Variants in SEMA6D observed in about 807,000 individuals in gnomAD.
The protein encoded by SEMA6D is semaphorin 6D, also known as semaphorin-6D.
In SEMA6D, 35 loss-of-function variants were observed where a neutral mutation model predicts 106.6. The observed-to-expected ratio is 0.33, with a 90% CI of 0.25 to 0.44. The LOEUF (loss-of-function observed/expected upper bound fraction) is 0.44, where lower values mean the gene tolerates loss of function less well. Among genes scored for constraint, SEMA6D ranks in the 20% least tolerant of loss-of-function variants. SEMA6D has a pLI of 1.00. For missense variants in SEMA6D, 1,185 were observed against 1,345.9 expected (o/e 0.88, Z 1.87); for synonymous variants, 499 against 487.7 (o/e 1.02, Z -0.31).
At chr15:47,594,185 A>G (rs562110258) in intron 3 of SEMA6D, among the ~76,000 whole-genome samples, 12 of 152,314 alleles carry the variant, frequency 7.9e-5, no homozygotes, top group South Asian at 2.1e-4. Flanking sequence ...TGAAATCACT[A>G]TTATAGAACT....
At position 47,409,467 on chromosome 15, in the gene SEMA6D, A is replaced by G. The variant is rs556499749; in HGVS notation, c.-238-2926A>G. On this transcript the variant is annotated intron_variant, in intron 1 of 19. Transcript: ENST00000558014. ...ATCTTCCACCATAATGATATCTCCC[A>G]CATACTACAGAATATGGTAAACTCT... Among the ~76,000 whole-genome samples the G allele has an allele frequency of 2.0e-5, 3 of 152,320 alleles. No homozygotes were observed. In the East Asian group the frequency reaches 5.8e-4, roughly 29 times the overall value.
At chr15:47,469,621 A>G (rs575405269) in intron 2 of SEMA6D, among the ~76,000 whole-genome samples, 40 of 152,240 alleles carry the variant, frequency 2.6e-4, no homozygotes, top group Admixed American at 2.4e-3. Flanking sequence ...TCTATTGTAA[A>G]AGTATTTATC....
chr15:47,403,713 G>T (rs576180276), intron 1 of SEMA6D, among the ~76,000 whole-genome samples: 1 of 152,198 alleles, frequency 6.6e-6, no homozygotes, highest in Admixed American at 6.5e-5. Context: ...GGAAAGAAGG[G>T]CCCTTCTAGT....
intron 1 of SEMA6D, among the ~76,000 whole-genome samples, chr15:47,321,031 A>T (rs2036901825): frequency 6.6e-6 from 1 of 152,162 alleles, no homozygotes; most frequent in Non-Finnish European, 1.5e-5. Flanking sequence ...ATACACTGTG[A>T]TTACTTTAGA....
At chr15:47,667,604 G>C (rs577806471) in intron 4 of SEMA6D, among the ~76,000 whole-genome samples, 2 of 152,306 alleles carry the variant, frequency 1.3e-5, no homozygotes, top group African/African-American at 4.8e-5. Flanking sequence ...AGTTGCAGAG[G>C]CTGGGAAGTC....
intron 1 of SEMA6D, among the ~76,000 whole-genome samples, chr15:47,205,978 T>C (rs1241800912): frequency 6.6e-6 from 1 of 152,202 alleles, no homozygotes; most frequent in Admixed American, 6.5e-5. Flanking sequence ...CATTTTAATG[T>C]CATCAATAGA....
intron 4 of SEMA6D, among the ~76,000 whole-genome samples, chr15:47,604,810 C>T (rs1250501902): frequency 6.6e-6 from 1 of 151,748 alleles, no homozygotes; most frequent in East Asian, 1.9e-4. Context: ...CATTCTCCTG[C>T]CTCAGTCTCC....
chr15:47,693,061 C>T (rs534130979), intron 4 of SEMA6D, among the ~76,000 whole-genome samples: 1 of 152,120 alleles, frequency 6.6e-6, no homozygotes, highest in East Asian at 1.9e-4. Context: ...TTCTAACTCT[C>T]GGTACTTCAG....
intron 3 of SEMA6D, among the ~76,000 whole-genome samples, chr15:47,524,802 T>A: frequency 6.6e-6 from 1 of 152,212 alleles, no homozygotes; most frequent in East Asian, 1.9e-4. Flanking sequence ...TAATTGCTTT[T>A]TGGACTAGGC....
At chr15:47,321,265 G>A (rs1319606230) in intron 1 of SEMA6D, among the ~76,000 whole-genome samples, 4 of 152,236 alleles carry the variant, frequency 2.6e-5, no homozygotes, top group South Asian at 4.1e-4. Context: ...AATCATGTGC[G>A]ACAGAACTGA....
chr15:47,733,413 C>A (rs2080256018), intron 1 of SEMA6D, among the ~76,000 whole-genome samples: 1 of 152,208 alleles, frequency 6.6e-6, no homozygotes, highest in African/African-American at 2.4e-5. Context: ...TAAAAATTAA[C>A]CACCTAGATT....
At chr15:47,553,417 A>G (rs1030953208) in intron 3 of SEMA6D, among the ~76,000 whole-genome samples, 3 of 152,168 alleles carry the variant, frequency 2.0e-5, no homozygotes, top group Non-Finnish European at 2.9e-5. Flanking sequence ...GCAGGATTGC[A>G]TAAAACACCT....
exon 3 of SEMA6D, chr15:47,470,500 G>T (rs1050564273): frequency 6.6e-6 from 1 of 151,246 alleles, no homozygotes; most frequent in Non-Finnish European, 1.5e-5. Flanking sequence ...TCTCTTGTTC[G>T]CAAATCGACA....
intron 3 of SEMA6D, among the ~76,000 whole-genome samples, chr15:47,526,277 T>C (rs1005190583): frequency 1.3e-5 from 2 of 152,184 alleles, no homozygotes; most frequent in Non-Finnish European, 2.9e-5. Context: ...CTGTTTGCCT[T>C]TTATTAAGGA....
intron 1 of SEMA6D, among the ~76,000 whole-genome samples, chr15:47,214,043 A>T (rs2030320919): frequency 6.6e-6 from 1 of 152,132 alleles, no homozygotes; most frequent in African/African-American, 2.4e-5. Flanking sequence ...AGATTGGGTC[A>T]TTGATCAGAA....
chr15:47,488,491 A>G (rs76244187), intron 3 of SEMA6D, among the ~76,000 whole-genome samples: 19,511 of 151,986 alleles, frequency 0.13, 3,765 homozygotes, highest in African/African-American at 0.42. Context: ...AAAAAACTGC[A>G]TGAGATTCCA....
At chr15:47,554,081 G>C (rs899321565) in intron 3 of SEMA6D, among the ~76,000 whole-genome samples, 1 of 152,164 alleles carries the variant, frequency 6.6e-6, no homozygotes, top group Non-Finnish European at 1.5e-5. Flanking sequence ...CACCCTCTCT[G>C]AGCACTCCAT....
At chr15:47,386,166 GA>G (rs1567043480) in intron 1 of SEMA6D, among the ~76,000 whole-genome samples, 1 of 151,776 alleles carries the variant, frequency 6.6e-6, no homozygotes, top group African/African-American at 2.4e-5. Context: ...TGGTAGAAGA[GA>G]TAAAATATCT....
chr15:47,741,293 G>A (rs747999087), intron 1 of SEMA6D, among the ~76,000 whole-genome samples: 4 of 152,048 alleles, frequency 2.6e-5, no homozygotes, highest in African/African-American at 7.2e-5. Flanking sequence ...CAACCTCCTA[G>A]GGGGTGCTTA....
Sources: gnomAD v4.1 joint callset for allele counts (sites outside exome capture counted in the v4.1 genomes callset) on GRCh38, gnomAD v4.1.1 for gene constraint, MANE v1.5 for transcripts, NCBI Gene and HGNC (gene_info 2026-07-23, HGNC 2026-07-21) for gene names.